RBPJ: variants seen among roughly 807,000 people sequenced by gnomAD.
RBPJ encodes recombining binding protein suppressor of hairless.
A neutral mutation model predicts 67.8 loss-of-function variants in RBPJ; 9 were observed. The ratio of observed to expected loss-of-function variants is 0.13; its 90% CI spans 0.08 to 0.23. RBPJ has a LOEUF of 0.23. Ranked by LOEUF, RBPJ falls within the 10% of genes least tolerant of loss-of-function variation. The pLI is 1.00. For synonymous variants in RBPJ, 198 were observed against 203.3 expected (o/e 0.97, Z 0.22); for missense variants, 305 against 595.6 (o/e 0.51, Z 5.08).
upstream of RBPJ, among the ~76,000 whole-genome samples, chr4:26,319,041 G>C (rs1688182393): frequency 6.7e-6 from 1 of 148,720 alleles, no homozygotes; most frequent in Admixed American, 6.7e-5. Flanking sequence ...TGCTAAAGTA[G>C]AGTAGCTAAG....
At chr4:26,275,802 T>C (rs1721059581) in intron 1 of RBPJ, among the ~76,000 whole-genome samples, 1 of 151,950 alleles carries the variant, frequency 6.6e-6, no homozygotes, top group African/African-American at 2.4e-5. Context: ...AGCTACTTTT[T>C]TGTATTTTTA....
chr4:26,332,296 C>T lies in RBPJ; in HGVS notation c.20+11248C>T, dbSNP rs189663202. On this transcript the variant is annotated intron_variant, in intron 1 of 10. Transcript: ENST00000355476. ...GCCATTCTTTGTCCTGGCCTTCCTC[C>T]CATGTATTCAATGTGATATGTACAC... Among the ~76,000 whole-genome samples the T allele has an allele frequency of 1.3e-5, 2 of 152,066 alleles. 1 individual carries two copies. The highest frequency in any genetic ancestry group is 3.9e-4 in the East Asian group (2 of 5,180).
chr4:26,134,281 G>C, the RBPJ span, among the ~76,000 whole-genome samples: 1 of 152,196 alleles, frequency 6.6e-6, no homozygotes, highest in Non-Finnish European at 1.5e-5. Context: ...TCCTGGGCAA[G>C]TCTATCCTTT....
chr4:26,191,202 T>TAG (rs1553847212), intron 1 of RBPJ, among the ~76,000 whole-genome samples: 68 of 32,184 alleles, frequency 2.1e-3, no homozygotes, highest in East Asian at 6.0e-3. Context: ...TATATATATA[T>TAG]ATATATATAG....
At chr4:26,250,922 G>A (rs1463778779) in intron 1 of RBPJ, among the ~76,000 whole-genome samples, 2 of 152,206 alleles carry the variant, frequency 1.3e-5, no homozygotes, top group Admixed American at 6.5e-5. Flanking sequence ...ATATTCTGTG[G>A]AAGTAAACTT....
At chr4:26,109,479 T>C in the RBPJ span, among the ~76,000 whole-genome samples, 26 of 51,436 alleles carry the variant, frequency 5.1e-4, 3 homozygotes, top group African/African-American at 2.2e-3. Flanking sequence ...TATATATATA[T>C]ATATATATAT....
chr4:26,388,992 C>T (rs1281763384), intron 2 of RBPJ, among the ~76,000 whole-genome samples: 3 of 152,002 alleles, frequency 2.0e-5, no homozygotes, highest in Non-Finnish European at 1.5e-5. Context: ...GAAGCTGAGG[C>T]GGGCAGATCT....
chr4:26,176,901 C>T (rs1375066812), intron 1 of RBPJ, among the ~76,000 whole-genome samples: 1 of 152,248 alleles, frequency 6.6e-6, no homozygotes, highest in East Asian at 1.9e-4. Context: ...ATCTGCACTT[C>T]AGTCAACATT....
chr4:26,232,178 G>C (rs1254416043), intron 1 of RBPJ, among the ~76,000 whole-genome samples: 1 of 152,106 alleles, frequency 6.6e-6, no homozygotes, highest in East Asian at 1.9e-4. Flanking sequence ...TTACAGGCAT[G>C]AACCACCATG....
At chr4:26,377,480 C>G (rs573025222) in intron 1 of RBPJ, among the ~76,000 whole-genome samples, 9 of 152,316 alleles carry the variant, frequency 5.9e-5, no homozygotes, top group Admixed American at 3.9e-4. Context: ...ACAAAATCAT[C>G]AGGGAACTGT....
chr4:26,109,103 CTTTTTTTTTTT>C, the RBPJ span, among the ~76,000 whole-genome samples: 1 of 130,042 alleles, frequency 7.7e-6, no homozygotes, highest in African/African-American at 2.8e-5. Flanking sequence ...TTGCCTTCCT[CTTTTTTTTTTT>C]TTTTTTTTTT....
intron 1 of RBPJ, among the ~76,000 whole-genome samples, chr4:26,304,812 A>G (rs1355057886): frequency 1.4e-5 from 2 of 145,486 alleles, no homozygotes; most frequent in East Asian, 4.0e-4. Context: ...TACTTTCTTG[A>G]TAGTGTCCTT....
intron 1 of RBPJ, among the ~76,000 whole-genome samples, chr4:26,170,151 C>A (rs6848325): frequency 0.38 from 57,525 of 151,966 alleles, 12,356 homozygotes; most frequent in Non-Finnish European, 0.48. Flanking sequence ...ATGCAGAAAT[C>A]ACCCGTCTTC....
chr4:26,339,635 A>C (rs2109391253), intron 1 of RBPJ, among the ~76,000 whole-genome samples: 1 of 152,080 alleles, frequency 6.6e-6, no homozygotes, highest in Admixed American at 6.5e-5. Flanking sequence ...CTCTGTTTCA[A>C]AAAACAAACG....
At chr4:26,281,016 T>G (rs1050017815) in intron 1 of RBPJ, among the ~76,000 whole-genome samples, 1 of 152,190 alleles carries the variant, frequency 6.6e-6, no homozygotes, top group African/African-American at 2.4e-5. Flanking sequence ...CTAACTGTTT[T>G]CCATTGGGTT....
At chr4:26,189,836 T>A in intron 1 of RBPJ, among the ~76,000 whole-genome samples, 1 of 152,208 alleles carries the variant, frequency 6.6e-6, no homozygotes. Flanking sequence ...AGAGTCAGCA[T>A]CATTAATTAG....
chr4:26,228,397 AG>A (rs1719153051), intron 1 of RBPJ, among the ~76,000 whole-genome samples: 1 of 152,182 alleles, frequency 6.6e-6, no homozygotes, highest in Non-Finnish European at 1.5e-5. Flanking sequence ...TAGACACACA[AG>A]GCATGTATCC....
intron 1 of RBPJ, among the ~76,000 whole-genome samples, chr4:26,339,404 C>A (rs1331839181): frequency 6.6e-6 from 1 of 151,912 alleles, no homozygotes; most frequent in Non-Finnish European, 1.5e-5. Flanking sequence ...GAGGCCAAGG[C>A]GAGCTGATCA....
At chr4:26,320,905 G>C (rs893638994), upstream of RBPJ, 6 of 1,595,812 alleles carry the variant, frequency 3.8e-6, no homozygotes, top group African/African-American at 5.4e-5. Context: ...CGAGGGGAAA[G>C]GGAGCGCGGG....
Sources: allele counts gnomAD v4.1 joint callset (sites outside exome capture counted in the v4.1 genomes callset), GRCh38; gene constraint gnomAD v4.1.1; transcripts MANE v1.5; gene names NCBI Gene and HGNC (gene_info 2026-07-23, HGNC 2026-07-21).